CD44: variants seen among roughly 807,000 people sequenced by gnomAD.
CD44 encodes the protein CD44 antigen.
Under a neutral mutation model 88.8 loss-of-function variants are expected in CD44, and 49 were observed. The ratio of observed to expected loss-of-function variants is 0.55; its 90% CI spans 0.44 to 0.70. The LOEUF is 0.70. Ranked by LOEUF, CD44 falls within the 30% of genes least tolerant of loss-of-function variation. CD44 has a pLI of 0.00. For missense variants in CD44, 883 were observed against 913.8 expected (o/e 0.97, Z 0.43); for synonymous variants, 325 against 312.3 (o/e 1.04, Z -0.43).
At chr11:35,226,215 C>A (rs980269092) in intron 17 of CD44, among the ~76,000 whole-genome samples, 8 of 152,160 alleles carry the variant, frequency 5.3e-5, no homozygotes, top group African/African-American at 1.9e-4. Flanking sequence ...TCCTATAGGT[C>A]AAATGTTATC....
rs1947336759 is a variant in CD44, at chr11:35,201,760, G to A, written c.1126G>A (p.Glu376Lys). ...PLIHHEHHEE[E>K]ETPHSTSTIQ... ...CATTCACCATGAGCATCATGAGGAA[G>A]AAGAGACCCCACATTCTACAAGCAC... The change falls in exon 9 of 18, where the codon GAA (glutamate) becomes AAA (lysine). Residue 376 changes from glutamate to lysine, a missense_variant. Transcript: ENST00000428726. The A allele has an allele frequency of 2.5e-6, 4 of 1,613,810 alleles. No individual in the cohort carries two copies. In the East Asian group the frequency reaches 8.9e-5, roughly 36 times the overall value.
At chr11:35,211,470 T>C in intron 14 of CD44, 21 bp downstream of exon 14, 1 of 1,572,152 alleles carries the variant, frequency 6.4e-7, no homozygotes, top group Non-Finnish European at 8.8e-7. Context: ...ATTTATTATC[T>C]AGTTTGCTTT....
chr11:35,144,557 G>T (rs1017198516), intron 1 of CD44, among the ~76,000 whole-genome samples: 2 of 152,028 alleles, frequency 1.3e-5, no homozygotes, highest in Non-Finnish European at 2.9e-5. Flanking sequence ...TTTTTTTTAA[G>T]TGTACCCCCC....
At position 35,209,960 on chromosome 11, in the gene CD44, A is replaced by T. The variant is rs56396801; in HGVS notation, c.1517-5A>T. 6.4e-7 allele frequency: 1 copy of T among 1,560,094 alleles called. No individual in the cohort carries two copies. The highest frequency in any genetic ancestry group is 8.7e-7 in the Non-Finnish European group (1 of 1,152,256). On this transcript the variant is annotated splice_region_variant and splice_polypyrimidine_tract_variant and intron_variant, in intron 12 of 17. Transcript: ENST00000428726. ...TAACACTGGATTCATTCCTCATTGAAACAGAGCAGAGTAATTCTCAGAGCT... is the reference window on the plus strand; with the variant it reads ...TAACACTGGATTCATTCCTCATTGATACAGAGCAGAGTAATTCTCAGAGCT...
At chr11:35,139,461 G>A in intron 1 of CD44, 91 bp downstream of exon 1, 1 of 1,142,560 alleles carries the variant, frequency 8.8e-7, no homozygotes, top group Non-Finnish European at 1.3e-6. Flanking sequence ...TCGGCCCTGG[G>A]GGACTGGAGT....
In CD44 at chr11:35,223,385, TC is replaced by T. The variant is rs111245909; in HGVS notation, c.2024+1655del. 4,543 of 620,564 alleles carry T rather than the reference TC, an allele frequency of 7.3e-3. 136 individuals carry two copies. Among genetic ancestry groups the T allele is most frequent in the African/African-American group, 0.073 (3,644 of 49,972 alleles). The allele number at this position is 620,564 out of a possible 1,614,324, so 38.4% of individuals were successfully genotyped here. ...GCACCACTTTTGCTCACATACACAG[TC>T]CATAAGCTTTGCACATGTCACCATA... On this transcript the variant is annotated intron_variant, in intron 17 of 17. Coordinates refer to ENST00000428726, the MANE Select transcript of CD44 (RefSeq NM_000610.4).
intron 1 of CD44, among the ~76,000 whole-genome samples, chr11:35,153,649 G>A (rs1298431871): frequency 1.3e-5 from 2 of 152,236 alleles, no homozygotes; most frequent in Non-Finnish European, 2.9e-5. Context: ...GGAACTTACA[G>A]TCTATCTGGA....
At chr11:35,188,310 AG>A (rs1261856430) in intron 4 of CD44, among the ~76,000 whole-genome samples, 1 of 152,178 alleles carries the variant, frequency 6.6e-6, no homozygotes, top group Non-Finnish European at 1.5e-5. Context: ...CTACGACATG[AG>A]ATGTGCTGTC....
intron 1 of CD44, among the ~76,000 whole-genome samples, chr11:35,144,982 C>T (rs915752680): frequency 2.0e-5 from 3 of 152,150 alleles, no homozygotes; most frequent in Non-Finnish European, 4.4e-5. Flanking sequence ...CACTGGGTGA[C>T]GTACCAAGAT....
chr11:35,176,957 G>A (rs1944525760), intron 2 of CD44: 2 of 510,032 alleles, frequency 3.9e-6, no homozygotes, highest in East Asian at 3.4e-5. Context: ...CGGGAACCCA[G>A]AGGAAGCCAT....
intron 9 of CD44, among the ~76,000 whole-genome samples, chr11:35,202,712 CAGTT>C (rs1947432024): frequency 6.6e-6 from 1 of 152,098 alleles, no homozygotes; most frequent in South Asian, 2.1e-4. Context: ...TTTCAGGTAT[CAGTT>C]AGGATAGAGG....
intron 1 of CD44, among the ~76,000 whole-genome samples, chr11:35,156,769 G>A (rs948192482): frequency 1.3e-5 from 2 of 152,184 alleles, no homozygotes; most frequent in Non-Finnish European, 2.9e-5. Flanking sequence ...AGTGGCTCAT[G>A]CCTGTAATTC....
chr11:35,228,755 T>G (rs1345500309), intron 17 of CD44, among the ~76,000 whole-genome samples: 6 of 152,188 alleles, frequency 3.9e-5, no homozygotes, highest in Admixed American at 3.9e-4. Context: ...AACTTGACTG[T>G]GCAGAGAAGC....
chr11:35,221,802 T>A (rs891389288), intron 17 of CD44, 70 bp downstream of exon 17: 87 of 1,362,240 alleles, frequency 6.4e-5, no homozygotes, highest in Non-Finnish European at 8.4e-5. Context: ...ATATCCTTGC[T>A]GCTCAGAGCG....
At chr11:35,169,277 G>C (rs967044747) in intron 1 of CD44, among the ~76,000 whole-genome samples, 2 of 152,188 alleles carry the variant, frequency 1.3e-5, no homozygotes. Flanking sequence ...GAAGCCCACA[G>C]AGAAGTTCCA....
At chr11:35,186,117 T>C (rs566580927) in intron 3 of CD44, among the ~76,000 whole-genome samples, 1 of 152,152 alleles carries the variant, frequency 6.6e-6, no homozygotes, top group Non-Finnish European at 1.5e-5. Flanking sequence ...AAAAATATTC[T>C]GGGCACCTAG....
rs1949915535 is a variant in CD44, at chr11:35,229,016, C to CT, written c.2025-112dup. 3 of 903,390 alleles carry CT rather than the reference C, an allele frequency of 3.3e-6. No individual in the cohort carries two copies. The East Asian group carries it at 7.4e-5, about 22-fold the overall frequency. The allele number at this position is 903,390 out of a possible 1,614,324, so 56.0% of individuals were successfully genotyped here. On this transcript the variant is annotated intron_variant, in intron 17 of 17. Coordinates refer to ENST00000428726, the MANE Select transcript of CD44 (RefSeq NM_000610.4). ...CCCCTAGCACAGTGCTTGGCACACACTAAAGCCATCATAAACCATAGTGAT... is the reference window on the plus strand; with the variant it reads ...CCCCTAGCACAGTGCTTGGCACACACTTAAAGCCATCATAAACCATAGTGAT...
intron 16 of CD44, among the ~76,000 whole-genome samples, chr11:35,220,986 C>T (rs1949249950): frequency 6.6e-6 from 1 of 152,092 alleles, no homozygotes; most frequent in African/African-American, 2.4e-5. Flanking sequence ...GTCTCAAACT[C>T]CTGACCTCGT....
rs541814306 is a variant in CD44, at chr11:35,212,024, A to G, written c.1810+575A>G. 3.3e-5 allele frequency among the ~76,000 whole-genome samples: 5 copies of G among 152,300 alleles called. No homozygotes were observed. The South Asian group carries it at 1.0e-3, about 32-fold the overall frequency. On this transcript the variant is annotated intron_variant, in intron 14 of 17. Transcript: ENST00000428726. ...AATGTTCATGATTTAATCTAGTATT[A>G]ATGAATAGGGACCACTTCTCTTATT...
Sources: gnomAD v4.1 joint callset for allele counts (sites outside exome capture counted in the v4.1 genomes callset) on GRCh38, gnomAD v4.1.1 for gene constraint, MANE v1.5 for transcripts, NCBI Gene and HGNC (gene_info 2026-07-23, HGNC 2026-07-21) for gene names.